GABRG3: variants seen among roughly 807,000 people sequenced by gnomAD.
GABRG3 encodes the protein gamma-aminobutyric acid receptor subunit gamma-3.
GABRG3 carries 25 observed loss-of-function variants against 48.8 expected under a neutral mutation model. The observed-to-expected ratio is 0.51, with a 90% CI of 0.37 to 0.72. The LOEUF (loss-of-function observed/expected upper bound fraction) is 0.72, where lower values mean the gene tolerates loss of function less well. Ranked by LOEUF, GABRG3 falls within the 30% of genes least tolerant of loss-of-function variation. The pLI is 0.00. For missense variants in GABRG3, 394 were observed against 577.9 expected (o/e 0.68, Z 3.26); for synonymous variants, 227 against 217.6 (o/e 1.04, Z -0.38).
chr15:27,488,366 G>A (rs1189572556), intron 6 of GABRG3, among the ~76,000 whole-genome samples: 7 of 152,146 alleles, frequency 4.6e-5, no homozygotes, highest in East Asian at 1.9e-4. Flanking sequence ...CTTGGAAAAC[G>A]GAGGTTGAGA....
chr15:27,400,798 T>C (rs2140586704), intron 5 of GABRG3, among the ~76,000 whole-genome samples: 2 of 152,346 alleles, frequency 1.3e-5, no homozygotes, highest in East Asian at 3.9e-4. Flanking sequence ...TTGTCATCAT[T>C]GTCTATGGCT....
chr15:27,243,552 G>A (rs1273682636), intron 3 of GABRG3, among the ~76,000 whole-genome samples: 3 of 152,108 alleles, frequency 2.0e-5, no homozygotes, highest in Non-Finnish European at 1.5e-5. Context: ...TAAATTGGAA[G>A]CAAATGCAAA....
rs1891576105 is a variant in GABRG3 at position 27,537,582 on chromosome 15, A to C, written c.*4701A>C. 1 of 152,160 alleles carries C rather than the reference A, an allele frequency of 6.6e-6. No individual in the cohort carries two copies. The highest frequency in any genetic ancestry group is 2.4e-5 in the African/African-American group (1 of 41,436). 9.4% of individuals were successfully genotyped at this position (152,160 alleles called of 1,614,324 possible). ...AGATCTCTATCATTATAGGGATAAA[A>C]CGTGTATGTTTTGAGATGATTTGGT... On this transcript the variant is annotated 3_prime_UTR_variant, in exon 10 of 10. Transcript: ENST00000615808.
chr15:27,185,328 T>G (rs890877670), intron 3 of GABRG3, among the ~76,000 whole-genome samples: 6 of 152,170 alleles, frequency 3.9e-5, no homozygotes, highest in African/African-American at 1.4e-4. Flanking sequence ...AATTTTCATG[T>G]GTTTGGATAT....
At chr15:27,184,417 G>C (rs1888029074) in intron 3 of GABRG3, among the ~76,000 whole-genome samples, 1 of 152,134 alleles carries the variant, frequency 6.6e-6, no homozygotes, top group Non-Finnish European at 1.5e-5. Flanking sequence ...CTTCTCGATT[G>C]CCTTCAGCTC....
rs531499698 is a variant in GABRG3, at chr15:27,540,461, C to A, written c.*7580C>A. 11 of 152,320 alleles carry A rather than the reference C, an allele frequency of 7.2e-5. No homozygotes were observed. In the East Asian group the frequency reaches 1.9e-3, roughly 27 times the overall value. 9.4% of individuals were successfully genotyped at this position (152,320 alleles called of 1,614,324 possible). ...GAGTCTAGGCTTTGTTTCCCCCTAA[C>A]TTATCCTGGCATTTTTACTTTGAAT... On this transcript the variant is annotated 3_prime_UTR_variant, in exon 10 of 10. Coordinates refer to ENST00000615808, the MANE Select transcript of GABRG3 (RefSeq NM_033223.5).
At chr15:27,324,272 G>C (rs1893530117) in intron 3 of GABRG3, among the ~76,000 whole-genome samples, 1 of 152,096 alleles carries the variant, frequency 6.6e-6, no homozygotes, top group Non-Finnish European at 1.5e-5. Context: ...GGTTTTCTTT[G>C]ATCCACTGAC....
At chr15:27,511,863 G>T (rs1890903331) in intron 6 of GABRG3, among the ~76,000 whole-genome samples, 5 of 152,134 alleles carry the variant, frequency 3.3e-5, no homozygotes, top group African/African-American at 1.2e-4. Context: ...AATCTAATAG[G>T]GTCACATTTG....
chr15:27,015,623 G>A (rs1481279186), intron 2 of GABRG3, among the ~76,000 whole-genome samples: 4 of 151,704 alleles, frequency 2.6e-5, no homozygotes, highest in Non-Finnish European at 4.4e-5. Flanking sequence ...TCCTGACCTT[G>A]TGATCCACCC....
intron 3 of GABRG3, among the ~76,000 whole-genome samples, chr15:27,325,858 T>C (rs1893595346): frequency 1.3e-5 from 2 of 152,248 alleles, no homozygotes; most frequent in African/African-American, 4.8e-5. Context: ...ATATGAGATT[T>C]GTTGAGAATC....
intron 5 of GABRG3, among the ~76,000 whole-genome samples, chr15:27,355,729 A>G (rs866793629): frequency 6.6e-6 from 1 of 152,238 alleles, no homozygotes; most frequent in African/African-American, 2.4e-5. Context: ...CCAGATGTCT[A>G]TCGCTAATGA....
intron 1 of GABRG3, among the ~76,000 whole-genome samples, chr15:26,973,730 C>G (rs893236036): frequency 5.9e-5 from 9 of 152,206 alleles, no homozygotes; most frequent in Non-Finnish European, 1.2e-4. Flanking sequence ...TTTAGGAACT[C>G]CTTTTAATGC....
At chr15:27,469,230 G>C (rs541744342) in intron 5 of GABRG3, among the ~76,000 whole-genome samples, 1 of 152,000 alleles carries the variant, frequency 6.6e-6, no homozygotes, top group Non-Finnish European at 1.5e-5. Flanking sequence ...CTCAGCCCAC[G>C]TGCCATTTCT....
intron 5 of GABRG3, among the ~76,000 whole-genome samples, chr15:27,407,591 A>T (rs1887676843): frequency 6.6e-6 from 1 of 152,210 alleles, no homozygotes. Flanking sequence ...GAATAAGTCA[A>T]CTTTGGTACA....
intron 3 of GABRG3, among the ~76,000 whole-genome samples, chr15:27,097,821 T>C (rs1291312190): frequency 6.6e-6 from 1 of 152,134 alleles, no homozygotes; most frequent in Non-Finnish European, 1.5e-5. Context: ...TGTCATACTG[T>C]CAAGGATTTG....
chr15:27,029,556 A>G (rs915672935), intron 3 of GABRG3, among the ~76,000 whole-genome samples: 88 of 152,194 alleles, frequency 5.8e-4, no homozygotes, highest in African/African-American at 1.8e-3. Context: ...ACACGCACAC[A>G]CACGCACATT....
intron 3 of GABRG3, among the ~76,000 whole-genome samples, chr15:27,190,672 A>G (rs1888265134): frequency 6.6e-6 from 1 of 152,102 alleles, no homozygotes; most frequent in African/African-American, 2.4e-5. Context: ...CCTTTCAAAA[A>G]ACCAGCTCCC....
intron 3 of GABRG3, among the ~76,000 whole-genome samples, chr15:27,305,482 T>C (rs572547597): frequency 6.8e-5 from 10 of 148,066 alleles, no homozygotes; most frequent in East Asian, 2.0e-4. Flanking sequence ...GTGTGGTCTG[T>C]GTGTTTTTTA....
At chr15:27,407,507 A>G (rs1227810845) in intron 5 of GABRG3, among the ~76,000 whole-genome samples, 2 of 152,224 alleles carry the variant, frequency 1.3e-5, no homozygotes, top group Non-Finnish European at 2.9e-5. Flanking sequence ...AAGCCTGCAC[A>G]TGGATGTTTG....
Sources: allele counts gnomAD v4.1 joint callset (sites outside exome capture counted in the v4.1 genomes callset), GRCh38; gene constraint gnomAD v4.1.1; transcripts MANE v1.5; gene names NCBI Gene and HGNC (gene_info 2026-07-23, HGNC 2026-07-21).